ME3: variants seen among roughly 807,000 people sequenced by gnomAD.
ME3 encodes malic enzyme 3.
A neutral mutation model predicts 68.9 loss-of-function variants in ME3; 48 were observed. That is an observed-to-expected ratio of 0.70 (90% CI 0.55 to 0.89). The LOEUF (loss-of-function observed/expected upper bound fraction) is 0.89, where lower values mean the gene tolerates loss of function less well. ME3 is among the 40% of genes least tolerant of loss of function. The pLI is 0.00. For synonymous variants in ME3, 320 were observed against 318.8 expected (o/e 1.00, Z -0.04); for missense variants, 675 against 797.4 (o/e 0.85, Z 1.85).
intron 2 of ME3, among the ~76,000 whole-genome samples, chr11:86,609,746 T>G (rs1942425169): frequency 6.6e-6 from 1 of 152,142 alleles, no homozygotes; most frequent in African/African-American, 2.4e-5. Context: ...AGCAAAAAAT[T>G]GGGAACAACT....
chr11:86,469,239 C>T (rs1040710545), intron 7 of ME3, among the ~76,000 whole-genome samples: 3 of 152,130 alleles, frequency 2.0e-5, no homozygotes, highest in Non-Finnish European at 4.4e-5. Context: ...AGGAGTAGCA[C>T]AACCTACTTA....
intron 4 of ME3, among the ~76,000 whole-genome samples, chr11:86,516,282 G>T (rs998759386): frequency 2.6e-5 from 4 of 152,078 alleles, no homozygotes; most frequent in Admixed American, 2.6e-4. Context: ...GGAATCCAGG[G>T]TTTAAACAAA....
At chr11:86,457,076 G>C (rs1241218405) in intron 8 of ME3, among the ~76,000 whole-genome samples, 1 of 152,078 alleles carries the variant, frequency 6.6e-6, no homozygotes, top group Non-Finnish European at 1.5e-5. Context: ...TCTAGCTAAA[G>C]CACCACTTGT....
chr11:86,487,485 C>CT, intron 6 of ME3, 45 bp from the exon 7 acceptor site: 1 of 1,495,910 alleles, frequency 6.7e-7, no homozygotes, highest in Non-Finnish European at 9.2e-7. Flanking sequence ...CCCGGTGTTC[C>CT]TGTTTTTTTT....
At chr11:86,492,381 A>G (rs1429225743) in intron 6 of ME3, among the ~76,000 whole-genome samples, 5 of 152,226 alleles carry the variant, frequency 3.3e-5, no homozygotes, top group Non-Finnish European at 1.5e-5. Context: ...TGCTTCCTCC[A>G]AATGAGTTTT....
rs141689782 is a variant in ME3 at position 86,576,682 on chromosome 11, T to C, written c.184-16859A>G. Among the ~76,000 whole-genome samples the C allele has an allele frequency of 1.2e-3, 180 of 151,514 alleles. 2 individuals carry two copies. In the East Asian group the frequency reaches 0.032, roughly 27 times the overall value. ...TCTGGTTTGCTGCACCACCATTGGG[T>C]GCTCCTCAATGTGGGCCCAGCCTGA... On this transcript the variant is annotated intron_variant, in intron 2 of 14. Transcript: ENST00000543262.
At chr11:86,525,986 G>T (rs958145460) in intron 4 of ME3, among the ~76,000 whole-genome samples, 2 of 152,154 alleles carry the variant, frequency 1.3e-5, no homozygotes, top group African/African-American at 2.4e-5. Flanking sequence ...CTGAGGTACC[G>T]AGTTCATCTC....
chr11:86,440,718 C>T (rs926863938), downstream of ME3, among the ~76,000 whole-genome samples: 3 of 152,212 alleles, frequency 2.0e-5, no homozygotes, highest in African/African-American at 7.2e-5. Flanking sequence ...ATGGACTAAA[C>T]TCCCTGATGG....
chr11:86,442,977 G>A, intron 13 of ME3, 58 bp from the exon 14 acceptor site: 1 of 1,414,988 alleles, frequency 7.1e-7, no homozygotes, highest in South Asian at 1.2e-5. Context: ...CCCAAAACAA[G>A]CCCAACCCGT....
chr11:86,514,770 G>GTATC (rs1219651282), intron 4 of ME3, among the ~76,000 whole-genome samples: 24 of 152,158 alleles, frequency 1.6e-4, no homozygotes, highest in Admixed American at 1.5e-3. Context: ...ATAAGTCAAT[G>GTATC]TATCTTTAAA....
At chr11:86,448,641 C>T (rs1459635691) in intron 10 of ME3, among the ~76,000 whole-genome samples, 1 of 152,134 alleles carries the variant, frequency 6.6e-6, no homozygotes, top group East Asian at 1.9e-4. Flanking sequence ...GGGACCTGTG[C>T]CACCCAGGGT....
chr11:86,440,204 A>G (rs1013844298), downstream of ME3, among the ~76,000 whole-genome samples: 2 of 152,228 alleles, frequency 1.3e-5, no homozygotes, highest in Admixed American at 6.5e-5. Context: ...CCTTGATTAT[A>G]CAATGAAATT....
rs143516125 is a variant in ME3, at chr11:86,667,083, G to T, written c.183+4679C>A. ...AGCACTGTCCTTCAAGCCTTTGCAG[G>T]TTTACTGCTCTAAATGTATCAAGTC... is the stretch of plus-strand genomic sequence containing the variant. On this transcript the variant is annotated intron_variant, in intron 2 of 14. Coordinates refer to ENST00000543262, the Ensembl canonical transcript of ME3. Among the ~76,000 whole-genome samples, 888 of 152,318 alleles carry T rather than the reference G, an allele frequency of 5.8e-3. 12 individuals carry two copies. The highest frequency in any genetic ancestry group is 0.018 in the African/African-American group (759 of 41,568).
intron 2 of ME3, among the ~76,000 whole-genome samples, chr11:86,584,763 A>T (rs1179239135): frequency 6.6e-6 from 1 of 152,226 alleles, no homozygotes; most frequent in Non-Finnish European, 1.5e-5. Flanking sequence ...GAAGCAAATA[A>T]TAAAATGGTG....
intron 5 of ME3, 27 bp from the exon 6 acceptor site, chr11:86,498,151 CAG>C: frequency 6.3e-7 from 1 of 1,594,716 alleles, no homozygotes; most frequent in Non-Finnish European, 8.5e-7. Context: ...CACCATCAAT[CAG>C]GGACAGCACT....
chr11:86,611,271 G>C (rs993485308), intron 2 of ME3, among the ~76,000 whole-genome samples: 2 of 151,690 alleles, frequency 1.3e-5, no homozygotes, highest in African/African-American at 4.8e-5. Context: ...TTGGTCAAAG[G>C]GTATAAATTT....
chr11:86,617,044 AGT>A (rs1943007029), intron 2 of ME3, among the ~76,000 whole-genome samples: 1 of 43,872 alleles, frequency 2.3e-5, no homozygotes, highest in African/African-American at 5.8e-5. Flanking sequence ...CCAAGATAGT[AGT>A]TTTTTTTTTT....
chr11:86,509,794 A>G (rs1205853680), intron 4 of ME3, among the ~76,000 whole-genome samples: 1 of 151,494 alleles, frequency 6.6e-6, no homozygotes, highest in Non-Finnish European at 1.5e-5. Flanking sequence ...GGAATCTGAA[A>G]GAACCAAGCA....
At chr11:86,594,626 C>T (rs1959188094) in intron 2 of ME3, among the ~76,000 whole-genome samples, 1 of 145,882 alleles carries the variant, frequency 6.9e-6, no homozygotes, top group African/African-American at 2.5e-5. Context: ...CCCGAGAGGT[C>T]AACGCTGCAG....
Sources: allele counts gnomAD v4.1 joint callset (sites outside exome capture counted in the v4.1 genomes callset), GRCh38; gene constraint gnomAD v4.1.1; transcripts MANE v1.5; gene names NCBI Gene and HGNC (gene_info 2026-07-23, HGNC 2026-07-21).